The following PCDH15 variants were observed in gnomAD, a reference collection of about 807,000 sequenced individuals.
The protein encoded by PCDH15 is protocadherin-15.
A neutral mutation model predicts 178.5 loss-of-function variants in PCDH15; 129 were observed. That is an observed-to-expected ratio of 0.72 (90% confidence interval 0.63 to 0.84). The LOEUF (loss-of-function observed/expected upper bound fraction) is 0.84. Among genes scored for constraint, PCDH15 ranks in the 40% least tolerant of loss-of-function variants. The pLI, the probability that PCDH15 is intolerant of heterozygous loss-of-function variation, is 0.00. For synonymous variants in PCDH15, 800 were observed against 732.0 expected (o/e 1.09, Z -1.50); for missense variants, 2,230 against 2,099.9 (o/e 1.06, Z -1.21).
At chr10:54,655,322 AAG>A (rs1491032694) in intron 2 of PCDH15, among the ~76,000 whole-genome samples, 1 of 74,292 alleles carries the variant, frequency 1.3e-5, no homozygotes, top group Admixed American at 1.4e-4. Flanking sequence ...GAGACAGAGA[AAG>A]AGAGAAAGAG....
chr10:55,318,173 T>A (rs1311175252), intron 1 of PCDH15, among the ~76,000 whole-genome samples: 1 of 151,710 alleles, frequency 6.6e-6, no homozygotes, highest in Non-Finnish European at 1.5e-5. Flanking sequence ...GTGTACCATA[T>A]GAAAAATTTA....
At chr10:55,564,692 T>C (rs1842266085) in intron 2 of PCDH15, among the ~76,000 whole-genome samples, 1 of 151,552 alleles carries the variant, frequency 6.6e-6, no homozygotes, top group Non-Finnish European at 1.5e-5. Context: ...ACAGTAACCA[T>C]AAGAGTACTG....
chr10:55,377,916 A>G (rs75037219), intron 2 of PCDH15, among the ~76,000 whole-genome samples: 1 of 152,132 alleles, frequency 6.6e-6, no homozygotes, highest in Non-Finnish European at 1.5e-5. Context: ...GGCGACATAG[A>G]TGAAGCTGGA....
At chr10:54,424,332 TG>T (rs1565238364) in intron 3 of PCDH15, among the ~76,000 whole-genome samples, 1 of 151,846 alleles carries the variant, frequency 6.6e-6, no homozygotes, top group Non-Finnish European at 1.5e-5. Context: ...CCAGTTAGAA[TG>T]GCGATCATTA....
chr10:54,021,814 TCAC>T (rs1284506985), intron 19 of PCDH15, among the ~76,000 whole-genome samples: 1 of 151,948 alleles, frequency 6.6e-6, no homozygotes, highest in African/African-American at 2.4e-5. Flanking sequence ...TTTGTTTTGT[TCAC>T]CTTTGTATCC....
intron 2 of PCDH15, among the ~76,000 whole-genome samples, chr10:54,638,643 T>A (rs1397519546): frequency 2.6e-5 from 4 of 152,066 alleles, no homozygotes; most frequent in Admixed American, 2.6e-4. Flanking sequence ...CTCAAAGAAC[T>A]AAAGTAGATC....
intron 8 of PCDH15, among the ~76,000 whole-genome samples, chr10:54,255,802 T>C (rs913602614): frequency 1.3e-5 from 2 of 152,256 alleles, no homozygotes; most frequent in African/African-American, 4.8e-5. Flanking sequence ...CTATCATATA[T>C]AATCTGTCCT....
rs181324754 is a variant in PCDH15 at position 54,741,091 on chromosome 10, A to T, written c.-29+59834T>A. Among the ~76,000 whole-genome samples the T allele has an allele frequency of 3.3e-5, 5 of 152,038 alleles. No individual in the cohort carries two copies. In the East Asian group the frequency reaches 9.7e-4, roughly 29 times the overall value. Reference sequence around the variant, plus strand: ...CCAATTACCTTAATTTGATCATTACACATTGTATGCATGTATCAAAATACC... The same window carrying T: ...CCAATTACCTTAATTTGATCATTACTCATTGTATGCATGTATCAAAATACC... On this transcript the variant is annotated intron_variant, in intron 1 of 37. Transcript: ENST00000644397.
At chr10:54,796,262 CTATCTATCTATG>C (rs1191231961) in intron 1 of PCDH15, among the ~76,000 whole-genome samples, 2,279 of 101,770 alleles carry the variant, frequency 0.022, 45 homozygotes, top group African/African-American at 0.07. Flanking sequence ...ATCTATCTAT[CTATCTATCTATG>C]TATCTATGTA....
chr10:54,745,373 G>GC (rs201923747), intron 1 of PCDH15, among the ~76,000 whole-genome samples: 8,231 of 150,828 alleles, frequency 0.055, 321 homozygotes, highest in Non-Finnish European at 0.087. Flanking sequence ...TATACACACA[G>GC]AAAAAAAAAC....
chr10:53,861,895 G>T (rs1286195892), intron 27 of PCDH15, among the ~76,000 whole-genome samples: 1 of 151,920 alleles, frequency 6.6e-6, no homozygotes, highest in African/African-American at 2.4e-5. Context: ...ACTGGTCTCT[G>T]CTGCAAACTC....
chr10:54,067,018 TA>T (rs2094147848), intron 17 of PCDH15, 133 bp from the exon 18 acceptor site: 1 of 730,582 alleles, frequency 1.4e-6, no homozygotes, highest in African/African-American at 1.9e-5. Context: ...TTCCAAAAAA[TA>T]AAAATAAAAA....
chr10:55,176,170 C>T (rs1839478951), intron 1 of PCDH15, among the ~76,000 whole-genome samples: 1 of 152,088 alleles, frequency 6.6e-6, no homozygotes, highest in Non-Finnish European at 1.5e-5. Flanking sequence ...TTTCTGTTCT[C>T]CTCTCCAATC....
chr10:53,892,607 G>A (rs950633275), intron 26 of PCDH15, among the ~76,000 whole-genome samples: 3 of 151,982 alleles, frequency 2.0e-5, no homozygotes, highest in Non-Finnish European at 4.4e-5. Flanking sequence ...ACTTCATCTT[G>A]TCCACTTATA....
chr10:53,835,684 A>C (rs1442105704), intron 29 of PCDH15, among the ~76,000 whole-genome samples: 2 of 152,150 alleles, frequency 1.3e-5, no homozygotes, highest in African/African-American at 4.8e-5. Flanking sequence ...TGGGAGGCTG[A>C]GGTGGGATGA....
intron 2 of PCDH15, among the ~76,000 whole-genome samples, chr10:54,569,777 C>G (rs1054691788): frequency 6.6e-6 from 1 of 152,098 alleles, no homozygotes; most frequent in African/African-American, 2.4e-5. Context: ...ATGAGTTATT[C>G]TATGAAACAG....
At chr10:54,472,966 TA>T (rs2078020706) in intron 3 of PCDH15, among the ~76,000 whole-genome samples, 1 of 152,156 alleles carries the variant, frequency 6.6e-6, no homozygotes, top group South Asian at 2.1e-4. Flanking sequence ...ATTTTTAGAG[TA>T]AAAAATTGTT....
intron 2 of PCDH15, among the ~76,000 whole-genome samples, chr10:55,055,188 A>G (rs138396166): frequency 6.6e-6 from 1 of 152,208 alleles, no homozygotes; most frequent in South Asian, 2.1e-4. Context: ...TAATTTTTGT[A>G]TATGGTGTAC....
chr10:54,750,106 C>T (rs1381648922), intron 1 of PCDH15, among the ~76,000 whole-genome samples: 1 of 152,034 alleles, frequency 6.6e-6, no homozygotes, highest in Non-Finnish European at 1.5e-5. Flanking sequence ...CTCTCTTTCT[C>T]TCTTTCTCTC....
Sources: gnomAD v4.1 joint callset for allele counts (sites outside exome capture counted in the v4.1 genomes callset) on GRCh38, gnomAD v4.1.1 for gene constraint, MANE v1.5 for transcripts, NCBI Gene and HGNC (gene_info 2026-07-23, HGNC 2026-07-21) for gene names.